Variants in PDGFC observed in about 807,000 individuals in gnomAD.
PDGFC encodes platelet derived growth factor C, also known as platelet-derived growth factor C.
A neutral mutation model predicts 35.5 loss-of-function variants in PDGFC; 12 were observed. The ratio of observed to expected loss-of-function variants is 0.34; its 90% CI spans 0.22 to 0.55. The LOEUF (loss-of-function observed/expected upper bound fraction) is 0.55. Ranked by LOEUF, PDGFC falls within the 20% of genes least tolerant of loss-of-function variation. The probability of loss-of-function intolerance (pLI) is 0.91; values close to 1 mark genes in which losing one functional copy is unlikely to be tolerated. For synonymous variants in PDGFC, 159 were observed against 148.8 expected, an observed-to-expected ratio of 1.07 and a Z score of -0.50; for missense variants, 322 against 412.4, an observed-to-expected ratio of 0.78 and a Z score of 1.90.
At chr4:156,913,628 T>C (rs1731092351) in intron 1 of PDGFC, among the ~76,000 whole-genome samples, 1 of 152,328 alleles carries the variant, frequency 6.6e-6, no homozygotes, top group Non-Finnish European at 1.5e-5. Flanking sequence ...TTAGAATTCC[T>C]AAGACCCCAA....
At chr4:156,948,860 G>A (rs1281555191) in intron 1 of PDGFC, among the ~76,000 whole-genome samples, 1 of 151,888 alleles carries the variant, frequency 6.6e-6, no homozygotes, top group Non-Finnish European at 1.5e-5. Context: ...GCATTTCTCT[G>A]TGGAGGCAGC....
At chr4:156,955,769 T>C (rs1264280997) in intron 1 of PDGFC, among the ~76,000 whole-genome samples, 1 of 151,966 alleles carries the variant, frequency 6.6e-6, no homozygotes, top group Non-Finnish European at 1.5e-5. Context: ...CTCATGAGTT[T>C]GCATCTAAAC....
chr4:156,887,042 T>C (rs1419413916), intron 1 of PDGFC, among the ~76,000 whole-genome samples: 3 of 152,168 alleles, frequency 2.0e-5, no homozygotes, highest in Non-Finnish European at 2.9e-5. Flanking sequence ...TCACACATAA[T>C]ACACATCCTA....
intron 1 of PDGFC, among the ~76,000 whole-genome samples, chr4:156,968,352 C>G (rs1469065252): frequency 6.6e-6 from 1 of 152,066 alleles, no homozygotes; most frequent in Admixed American, 6.5e-5. Context: ...ACAAACTGGG[C>G]CAATGGGATC....
intron 2 of PDGFC, among the ~76,000 whole-genome samples, chr4:156,830,553 GTAT>G (rs1382280386): frequency 1.7e-4 from 26 of 152,236 alleles, no homozygotes; most frequent in African/African-American, 6.3e-4. Context: ...GGGCGAGACA[GTAT>G]ATTTCACCAG....
At chr4:156,893,642 CG>C (rs2111200872) in intron 1 of PDGFC, among the ~76,000 whole-genome samples, 1 of 150,440 alleles carries the variant, frequency 6.6e-6, no homozygotes, top group Admixed American at 6.6e-5. Context: ...CCAGCCTAAA[CG>C]TATTTTTGAA....
At chr4:156,874,757 C>G (rs1439989828) in intron 1 of PDGFC, among the ~76,000 whole-genome samples, 1 of 151,766 alleles carries the variant, frequency 6.6e-6, no homozygotes, top group Non-Finnish European at 1.5e-5. Flanking sequence ...CAGTATGTTG[C>G]CTAGGTTCGT....
chr4:156,875,110 GA>G (rs1579070765), intron 1 of PDGFC, among the ~76,000 whole-genome samples: 1 of 151,842 alleles, frequency 6.6e-6, no homozygotes, highest in African/African-American at 2.4e-5. Flanking sequence ...AATTAACAGG[GA>G]AAAAAAGCAA....
chr4:156,798,523 G>A (rs1731510000), intron 3 of PDGFC, among the ~76,000 whole-genome samples: 1 of 152,128 alleles, frequency 6.6e-6, no homozygotes, highest in Non-Finnish European at 1.5e-5. Flanking sequence ...AAACACTGTA[G>A]GCCTGGGTAG....
chr4:156,801,835 T>A (rs1438132112), intron 3 of PDGFC, among the ~76,000 whole-genome samples: 1 of 152,212 alleles, frequency 6.6e-6, no homozygotes, highest in East Asian at 1.9e-4. Context: ...CAATTCATTA[T>A]GCTAAAAGCA....
chr4:156,841,769 G>A (rs1729211328), intron 2 of PDGFC, among the ~76,000 whole-genome samples: 1 of 152,104 alleles, frequency 6.6e-6, no homozygotes, highest in Non-Finnish European at 1.5e-5. Flanking sequence ...GTCTCCCAAA[G>A]TGCTAGGATT....
intron 5 of PDGFC, among the ~76,000 whole-genome samples, chr4:156,766,351 A>G (rs1160022536): frequency 1.3e-5 from 2 of 152,116 alleles, no homozygotes; most frequent in African/African-American, 4.8e-5. Context: ...AAATATATTT[A>G]TTTGGCTAAA....
At chr4:156,944,772 T>TA (rs1463520392) in intron 1 of PDGFC, among the ~76,000 whole-genome samples, 1 of 152,160 alleles carries the variant, frequency 6.6e-6, no homozygotes, top group African/African-American at 2.4e-5. Flanking sequence ...CCTAAGTCAC[T>TA]ATCACGGCAT....
In PDGFC at chr4:156,881,451, G is replaced by A. The variant is rs1730239186; in HGVS notation, c.119-31035C>T. Among the ~76,000 whole-genome samples, 6 of 152,148 alleles carry A rather than the reference G, an allele frequency of 3.9e-5. No individual in the cohort carries two copies. The South Asian group carries it at 1.2e-3, about 32-fold the overall frequency. On this transcript the variant is annotated intron_variant, in intron 1 of 5. Coordinates refer to ENST00000502773, the MANE Select transcript of PDGFC (RefSeq NM_016205.3). ...GTTCCCACCCAAATCTCATCTTGTGGCTCCCATAATTCCCACGTGTTGTGG... is the reference window on the plus strand; with the variant it reads ...GTTCCCACCCAAATCTCATCTTGTGACTCCCATAATTCCCACGTGTTGTGG...
chr4:156,809,800 A>G (rs1731882078), intron 3 of PDGFC, among the ~76,000 whole-genome samples: 1 of 151,942 alleles, frequency 6.6e-6, no homozygotes, highest in Non-Finnish European at 1.5e-5. Flanking sequence ...ATACACATTT[A>G]AATTAATATA....
chr4:156,910,131 T>C (rs2110801104), intron 1 of PDGFC, among the ~76,000 whole-genome samples: 1 of 152,226 alleles, frequency 6.6e-6, no homozygotes, highest in South Asian at 2.1e-4. Flanking sequence ...TGAATTGTTT[T>C]TTGTTGGTTT....
intron 3 of PDGFC, among the ~76,000 whole-genome samples, chr4:156,786,922 A>T (rs2110866662): frequency 6.6e-6 from 1 of 152,332 alleles, no homozygotes; most frequent in Non-Finnish European, 1.5e-5. Context: ...AATAGAATGC[A>T]GGAAGGCAAT....
intron 3 of PDGFC, among the ~76,000 whole-genome samples, chr4:156,806,409 C>G (rs115349088): frequency 6.6e-6 from 1 of 151,814 alleles, no homozygotes; most frequent in Non-Finnish European, 1.5e-5. Context: ...TACTTTGGAT[C>G]AGAAACCTTA....
chr4:156,772,312 C>T (rs935670541), intron 4 of PDGFC, among the ~76,000 whole-genome samples: 5 of 152,094 alleles, frequency 3.3e-5, no homozygotes, highest in Non-Finnish European at 5.9e-5. Flanking sequence ...TATCCCTAAC[C>T]TGGTTTTGCA....
Sources: gnomAD v4.1 joint callset for allele counts (sites outside exome capture counted in the v4.1 genomes callset) on GRCh38, gnomAD v4.1.1 for gene constraint, MANE v1.5 for transcripts, NCBI Gene and HGNC (gene_info 2026-07-23, HGNC 2026-07-21) for gene names.